Variants in MROH9 observed in about 807,000 individuals in gnomAD.
MROH9 encodes maestro heat like repeat family member 9.
In MROH9, 92 loss-of-function variants were observed where a neutral mutation model predicts 98.2. The observed-to-expected ratio is 0.94, with a 90% confidence interval of 0.79 to 1.11. The LOEUF (loss-of-function observed/expected upper bound fraction) is 1.11. MROH9 is among the 50% of genes most tolerant of loss of function. The pLI, the probability that MROH9 is intolerant of heterozygous loss-of-function variation, is 0.00. For synonymous variants in MROH9, 397 were observed against 368.9 expected (o/e 1.08, Z -0.87); for missense variants, 1,057 against 1,014.8 (o/e 1.04, Z -0.57).
In MROH9 at chr1:170,989,930, A is replaced by T; in HGVS notation, c.955A>T (p.Ile319Phe). 3 of 1,613,518 alleles carry T rather than the reference A, an allele frequency of 1.9e-6. No individual in the cohort carries two copies. The highest frequency in any genetic ancestry group is 1.3e-5 in the African/African-American group (1 of 75,008). The change falls in exon 11 of 22, where the codon ATC becomes TTC. Residue 319 changes from isoleucine to phenylalanine, a missense_variant. Transcript: ENST00000367759. The stretch of plus-strand genomic sequence containing the variant: ...TATGAAGGATGTTATGTTGCAGGTT[A>T]TCACTTTGTTGACATGCACTTCACC... ...NCMKDVMLQV[I>F]TLLTCTSPKK... is the part of the protein sequence containing the mutation.
intron 6 of MROH9, among the ~76,000 whole-genome samples, chr1:170,963,590 C>A (rs1650111962): frequency 1.3e-5 from 2 of 152,100 alleles, no homozygotes; most frequent in African/African-American, 4.8e-5. Context: ...CCTAAATAAC[C>A]ACCTGTGGTA....
chr1:171,014,368 T>A, intron 16 of MROH9, 114 bp downstream of exon 16: 1 of 930,088 alleles, frequency 1.1e-6, no homozygotes. Context: ...TCTATATAAC[T>A]AAAACATATC....
chr1:171,025,563 C>A (rs550643854), intron 20 of MROH9, 143 bp downstream of exon 20: 1 of 588,158 alleles, frequency 1.7e-6, no homozygotes, highest in Non-Finnish European at 3.0e-6. Context: ...CAGGTTGATA[C>A]GTGTGATGAG....
intron 20 of MROH9, among the ~76,000 whole-genome samples, chr1:171,056,002 C>T (rs942814099): frequency 6.6e-6 from 1 of 152,146 alleles, no homozygotes; most frequent in Non-Finnish European, 1.5e-5. Context: ...ACTATGAAAC[C>T]CACAGATTGA....
chr1:171,022,761 TA>T (rs911796781), intron 17 of MROH9, among the ~76,000 whole-genome samples: 1 of 150,334 alleles, frequency 6.7e-6, no homozygotes, highest in African/African-American at 2.4e-5. Context: ...AACTTAAAGT[TA>T]AAAAAAAAGA....
In MROH9 at chr1:170,986,558, C is replaced by T. The variant is rs1436689573; in HGVS notation, c.730-3C>T. 2 of 1,611,688 alleles carry T rather than the reference C, an allele frequency of 1.2e-6. No individual in the cohort carries two copies. Among genetic ancestry groups the T allele is most frequent in the African/African-American group, 1.3e-5 (1 of 74,812 alleles). On this transcript the variant is annotated splice_region_variant and splice_polypyrimidine_tract_variant and intron_variant, in intron 9 of 21. Coordinates refer to ENST00000367759, the MANE Select transcript of MROH9 (RefSeq NM_001163629.2). ...AGGTCATGATTATCCTTTGTGGTTG[C>T]AGAGAGTAGGGCAAACCTTACTGCC...
At chr1:171,024,862 C>T (rs1652655171) in intron 19 of MROH9, 97 bp downstream of exon 19, 2 of 695,554 alleles carry the variant, frequency 2.9e-6, no homozygotes, top group Middle Eastern at 4.0e-4. Flanking sequence ...AAGAGTGGAT[C>T]TTGGAGGAAA....
chr1:171,017,431 C>T (rs28509187), intron 17 of MROH9, among the ~76,000 whole-genome samples: 1 of 152,022 alleles, frequency 6.6e-6, no homozygotes, highest in Admixed American at 6.5e-5. Flanking sequence ...CACGAAAATC[C>T]CACTTGTGAG....
intron 1 of MROH9, among the ~76,000 whole-genome samples, chr1:170,944,225 G>A (rs1056401564): frequency 2.0e-5 from 3 of 151,864 alleles, no homozygotes; most frequent in African/African-American, 7.3e-5. Flanking sequence ...AACAGGTTCT[G>A]TCTAAAGTTT....
chr1:170,941,803 T>A (rs955465087), intron 1 of MROH9, among the ~76,000 whole-genome samples: 5 of 152,150 alleles, frequency 3.3e-5, no homozygotes, highest in African/African-American at 1.2e-4. Flanking sequence ...AAAAGGTGTG[T>A]CTTCTGGACA....
Position 170,961,952 on chromosome 1 carries a change from C to A in MROH9, c.351C>A (p.Asp117Glu). Residue 117 changes from aspartate to glutamate, a missense_variant, in exon 6 of 22, where the codon GAC becomes GAA. Coordinates refer to ENST00000367759, the MANE Select transcript of MROH9 (RefSeq NM_001163629.2). The part of the protein sequence containing the change: ...ENILTSLVSK[D>E]LYKLQILKEM... ...TTCTTACGAGCTTGGTGTCTAAAGA[C>A]CTCTACAAACTACAGATCTTAAAGG... 6.5e-7 allele frequency: 1 copy of A among 1,533,376 alleles called. No individual in the cohort carries two copies. The highest frequency in any genetic ancestry group is 1.2e-5 in the South Asian group (1 of 81,638). 95.0% of individuals were successfully genotyped at this position (1,533,376 alleles called of 1,614,324 possible). A position where few individuals can be genotyped will look rare whatever the true frequency, so the allele number is the denominator to read the frequency against.
intron 7 of MROH9, among the ~76,000 whole-genome samples, chr1:170,968,190 A>G (rs972309852): frequency 3.3e-5 from 5 of 152,128 alleles, no homozygotes; most frequent in African/African-American, 4.8e-5. Context: ...AAGGCCAAAT[A>G]ATGATAAGGG....
At chr1:171,054,377 A>T (rs1653764178) in intron 20 of MROH9, among the ~76,000 whole-genome samples, 1 of 152,242 alleles carries the variant, frequency 6.6e-6, no homozygotes, top group Non-Finnish European at 1.5e-5. Flanking sequence ...TACAAAAATT[A>T]ACTCAAGATG....
chr1:171,008,327 G>C (rs1019489950), intron 15 of MROH9, among the ~76,000 whole-genome samples: 1 of 151,980 alleles, frequency 6.6e-6, no homozygotes, highest in Admixed American at 6.6e-5. Flanking sequence ...CTACAAACTA[G>C]ATATGATTGG....
At chr1:170,966,948 G>A (rs1225685951) in intron 7 of MROH9, among the ~76,000 whole-genome samples, 1 of 152,086 alleles carries the variant, frequency 6.6e-6, no homozygotes, top group African/African-American at 2.4e-5. Context: ...TGTTTGACTA[G>A]AGCCTAGTCA....
At position 170,965,375 on chromosome 1, in the gene MROH9, G is replaced by C. The variant is rs1571456928; in HGVS notation, c.480+120G>C. On this transcript the variant is annotated intron_variant, in intron 7 of 21. Coordinates refer to ENST00000367759, the MANE Select transcript of MROH9 (RefSeq NM_001163629.2). The stretch of plus-strand genomic sequence containing the variant: ...GTCCTTGGTATTATTGTACTGGTAG[G>C]TTGGTTGGGATATCAGAAAAGGAGT... The C allele has an allele frequency of 3.7e-5, 23 of 628,006 alleles. No individual in the cohort carries two copies. The East Asian group carries it at 6.1e-4, about 17-fold the overall frequency. 38.9% of individuals were successfully genotyped at this position (628,006 alleles called of 1,614,324 possible). A position where few individuals can be genotyped will look rare whatever the true frequency, so the allele number is the denominator to read the frequency against.
intron 8 of MROH9, among the ~76,000 whole-genome samples, chr1:170,973,366 G>C (rs1233559096): frequency 3.3e-5 from 5 of 152,084 alleles, no homozygotes; most frequent in African/African-American, 7.2e-5. Flanking sequence ...CCGAGGTACA[G>C]TACTCAGACG....
chr1:171,031,625 A>C (rs1397659704), intron 20 of MROH9, among the ~76,000 whole-genome samples: 1 of 152,132 alleles, frequency 6.6e-6, no homozygotes, highest in Non-Finnish European at 1.5e-5. Flanking sequence ...TCTGGCTTGT[A>C]GGGTTTCTGT....
chr1:170,965,121 G>A (rs374244787), intron 6 of MROH9, 30 bp from the exon 7 acceptor site: 1 of 1,532,228 alleles, frequency 6.5e-7, no homozygotes, highest in Non-Finnish European at 9.0e-7. Context: ...AAATTTCATG[G>A]TTCTAGGATG....
Sources: gnomAD v4.1 joint callset for allele counts (sites outside exome capture counted in the v4.1 genomes callset) on GRCh38, gnomAD v4.1.1 for gene constraint, MANE v1.5 for transcripts, NCBI Gene and HGNC (gene_info 2026-07-23, HGNC 2026-07-21) for gene names.